The following LIMA1 variants were observed in gnomAD, a reference collection of about 807,000 sequenced individuals.
LIMA1 encodes LIM domain and actin binding 1, also known as LIM domain and actin-binding protein 1.
In LIMA1, 52 loss-of-function variants were observed where a neutral mutation model predicts 62.6. The ratio of observed to expected loss-of-function variants is 0.83; its 90% confidence interval spans 0.67 to 1.05. The LOEUF (loss-of-function observed/expected upper bound fraction) is 1.05, where lower values mean the gene tolerates loss of function less well. Among genes scored for constraint, LIMA1 ranks in the 50% least tolerant of loss-of-function variants. The pLI, the probability that LIMA1 is intolerant of heterozygous loss-of-function variation, is 0.00. For synonymous variants in LIMA1, 302 were observed against 317.8 expected (o/e 0.95, Z 0.53); for missense variants, 780 against 902.2 (o/e 0.86, Z 1.74).
intron 1 of LIMA1, chr12:50,256,412 A>AT (rs1467320915): frequency 2.6e-5 from 4 of 152,174 alleles, no homozygotes; most frequent in African/African-American, 9.7e-5. Flanking sequence ...TCCCATATAC[A>AT]TTTCACCTAG....
intron 1 of LIMA1, among the ~76,000 whole-genome samples, chr12:50,252,879 A>G (rs766496365): frequency 6.6e-6 from 1 of 152,224 alleles, no homozygotes; most frequent in Non-Finnish European, 1.5e-5. Flanking sequence ...CATATTTTAA[A>G]ATATTATTCA....
At chr12:50,209,446 G>A (rs995662742) in intron 4 of LIMA1, among the ~76,000 whole-genome samples, 1 of 151,298 alleles carries the variant, frequency 6.6e-6, no homozygotes, top group African/African-American at 2.4e-5. Flanking sequence ...GTGCGCACCT[G>A]TAATCTCAGC....
intron 7 of LIMA1, chr12:50,196,170 TA>T (rs1461865948): frequency 3.1e-6 from 1 of 322,384 alleles, no homozygotes; most frequent in Non-Finnish European, 5.6e-6. Flanking sequence ...AAACAACTTC[TA>T]AACCATATTT....
At chr12:50,178,617 G>A (rs1158735260) in intron 10 of LIMA1, among the ~76,000 whole-genome samples, 1 of 151,714 alleles carries the variant, frequency 6.6e-6, no homozygotes, top group Non-Finnish European at 1.5e-5. Context: ...TATGCAACCT[G>A]GGTCACACAG....
At chr12:50,204,142 T>C (rs916905589) in intron 6 of LIMA1, among the ~76,000 whole-genome samples, 2 of 152,358 alleles carry the variant, frequency 1.3e-5, no homozygotes, top group African/African-American at 4.8e-5. Context: ...CTGATATTTC[T>C]CTCCAGTCTT....
intron 2 of LIMA1, chr12:50,234,207 CA>C: frequency 2.4e-6 from 1 of 418,450 alleles, no homozygotes; most frequent in South Asian, 1.8e-5. Context: ...CCACCCAGAA[CA>C]ACCTTTTTTT....
At chr12:50,251,669 A>G (rs568864707) in intron 1 of LIMA1, among the ~76,000 whole-genome samples, 2 of 151,710 alleles carry the variant, frequency 1.3e-5, no homozygotes, top group East Asian at 3.9e-4. Context: ...AAGGAAAAGG[A>G]TTTATTATTT....
chr12:50,282,657 G>C (rs1942354199), intron 1 of LIMA1, among the ~76,000 whole-genome samples: 1 of 152,162 alleles, frequency 6.6e-6, no homozygotes, highest in African/African-American at 2.4e-5. Flanking sequence ...GAGCCACTGC[G>C]CCCGTCCAAG....
intron 10 of LIMA1, 149 bp downstream of exon 10, chr12:50,181,755 C>G: frequency 1.3e-6 from 1 of 785,336 alleles, no homozygotes. Context: ...GTATGAAAGA[C>G]TTGTCACTAA....
chr12:50,236,121 C>T (rs1941689639), intron 2 of LIMA1, among the ~76,000 whole-genome samples: 1 of 151,618 alleles, frequency 6.6e-6, no homozygotes, highest in Admixed American at 6.6e-5. Flanking sequence ...GCCGAGATTG[C>T]ACCACTGCAC....
chr12:50,227,973 C>T (rs1199528603), intron 3 of LIMA1, among the ~76,000 whole-genome samples: 2 of 151,766 alleles, frequency 1.3e-5, no homozygotes, highest in South Asian at 2.1e-4. Context: ...CATTCTCCTG[C>T]CTCAGCCTCC....
chr12:50,274,374 G>C (rs947614426), intron 1 of LIMA1, among the ~76,000 whole-genome samples: 1 of 152,108 alleles, frequency 6.6e-6, no homozygotes, highest in Non-Finnish European at 1.5e-5. Context: ...TAATGAGGTC[G>C]AGAGATGCAG....
intron 8 of LIMA1, among the ~76,000 whole-genome samples, chr12:50,193,910 C>T (rs1165180478): frequency 6.7e-6 from 1 of 149,674 alleles, no homozygotes; most frequent in East Asian, 1.9e-4. Flanking sequence ...AAGCAAACTG[C>T]CTGCCTCAAC....
At chr12:50,222,676 G>A in intron 3 of LIMA1, 191 bp from the exon 4 acceptor site, 3 of 1,503,596 alleles carry the variant, frequency 2.0e-6, no homozygotes, top group Middle Eastern at 1.7e-4. Context: ...GAGAGGGGAA[G>A]AGAGAAAAAC....
chr12:50,239,665 T>C (rs1046251203), intron 2 of LIMA1, among the ~76,000 whole-genome samples: 3 of 150,454 alleles, frequency 2.0e-5, no homozygotes, highest in African/African-American at 7.4e-5. Flanking sequence ...AACCATCACA[T>C]TGGACCCCAT....
At chr12:50,189,624 G>A (rs1390476271) in intron 9 of LIMA1, 2 of 152,118 alleles carry the variant, frequency 1.3e-5, no homozygotes, top group Non-Finnish European at 2.9e-5. Context: ...AATAAGTTTT[G>A]CATTTTTAAT....
chr12:50,203,496 C>T (rs1409590442), intron 6 of LIMA1, among the ~76,000 whole-genome samples: 1 of 151,894 alleles, frequency 6.6e-6, no homozygotes, highest in Non-Finnish European at 1.5e-5. Context: ...TCACTGCAAC[C>T]TCTGCCTCCT....
chr12:50,200,397 C>CA (rs1486207050), intron 7 of LIMA1, among the ~76,000 whole-genome samples: 1 of 151,968 alleles, frequency 6.6e-6, no homozygotes, highest in Non-Finnish European at 1.5e-5. Context: ...GATGGGGTTT[C>CA]ACCCTGTGGG....
At chr12:50,203,683 G>A (rs1005195683) in intron 6 of LIMA1, among the ~76,000 whole-genome samples, 1 of 152,156 alleles carries the variant, frequency 6.6e-6, no homozygotes, top group Non-Finnish European at 1.5e-5. Flanking sequence ...AAAGTGCTGG[G>A]ATTACAGGTG....
Sources: gnomAD v4.1 joint callset for allele counts (sites outside exome capture counted in the v4.1 genomes callset) on GRCh38, gnomAD v4.1.1 for gene constraint, MANE v1.5 for transcripts, NCBI Gene and HGNC (gene_info 2026-07-23, HGNC 2026-07-21) for gene names.